Variants in KCNQ3 observed in about 807,000 individuals in gnomAD.
The protein encoded by KCNQ3 is potassium voltage-gated channel subfamily KQT member 3.
A neutral mutation model predicts 92.5 loss-of-function variants in KCNQ3; 30 were observed. That is an observed-to-expected ratio of 0.32 (90% CI 0.24 to 0.44). The LOEUF (loss-of-function observed/expected upper bound fraction) is 0.44, where lower values mean the gene tolerates loss of function less well. Ranked by LOEUF, KCNQ3 falls within the 20% of genes least tolerant of loss-of-function variation. The pLI, the probability that KCNQ3 is intolerant of heterozygous loss-of-function variation, is 1.00. For missense variants in KCNQ3, 913 were observed against 1,140.3 expected, an observed-to-expected ratio of 0.80 and a Z score of 2.87; for synonymous variants, 450 against 468.8, an observed-to-expected ratio of 0.96 and a Z score of 0.52.
intron 8 of KCNQ3, 31 bp from the exon 9 acceptor site, chr8:132,163,525 C>T: frequency 1.9e-6 from 3 of 1,588,918 alleles, no homozygotes; most frequent in Non-Finnish European, 2.6e-6. Flanking sequence ...AAAAATAAAG[C>T]ATAAATTACG....
chr8:132,162,188 C>A (rs1437471381), intron 9 of KCNQ3, among the ~76,000 whole-genome samples: 1 of 152,160 alleles, frequency 6.6e-6, no homozygotes, highest in Admixed American at 6.5e-5. Context: ...TATCTGAGCC[C>A]TAATTAAACC....
chr8:132,243,957 A>G (rs986994874), intron 1 of KCNQ3, among the ~76,000 whole-genome samples: 3 of 152,210 alleles, frequency 2.0e-5, no homozygotes, highest in African/African-American at 7.2e-5. Flanking sequence ...ATCAATGGCA[A>G]CGAGCATTCA....
At position 132,352,340 on chromosome 8, in the gene KCNQ3, G is replaced by A. The variant is rs561510443; in HGVS notation, c.386+127807C>T. Among the ~76,000 whole-genome samples, 7 of 152,242 alleles carry A rather than the reference G, an allele frequency of 4.6e-5. No individual in the cohort carries two copies. The East Asian group carries it at 9.7e-4, about 21-fold the overall frequency. Reference sequence around the variant, plus strand: ...ATGGTTTTGGTTGTCACAGGTGGGTGGGGTGCTGCGATCGTCTAGTGTGCA... The same window carrying A: ...ATGGTTTTGGTTGTCACAGGTGGGTAGGGTGCTGCGATCGTCTAGTGTGCA... On this transcript the variant is annotated intron_variant, in intron 1 of 14. Transcript: ENST00000388996.
intron 1 of KCNQ3, among the ~76,000 whole-genome samples, chr8:132,390,977 G>C (rs1185396973): frequency 6.6e-6 from 1 of 152,134 alleles, no homozygotes; most frequent in Non-Finnish European, 1.5e-5. Flanking sequence ...CCTCAGCTCT[G>C]GAAAGCCTGT....
At chr8:132,321,001 G>C (rs1375058072) in intron 1 of KCNQ3, among the ~76,000 whole-genome samples, 1 of 152,210 alleles carries the variant, frequency 6.6e-6, no homozygotes, top group Non-Finnish European at 1.5e-5. Context: ...ACTACCCATA[G>C]AGAGTTCATA....
At position 132,129,740 on chromosome 8, in the gene KCNQ3, G is replaced by A. The variant is rs1199166185; in HGVS notation, c.2141C>T (p.Ala714Val). The A allele has an allele frequency of 1.2e-6, 2 of 1,614,040 alleles. No homozygotes were observed. The highest frequency in any genetic ancestry group is 4.5e-5 in the East Asian group (2 of 44,878). ...TCGGGGCAGGTTCACAGGGTCATGT[G>A]CAAAAAACCCATAGGGGCTGACTTT... ...IDKVSPYGFF[A>V]HDPVNLPRGG... The change falls in exon 15 of 15, where the codon GCA becomes GTA. Residue 714 changes from alanine (A) to valine (V), a missense_variant. Physicochemically the swap from Ala to Val is moderately conservative, Grantham distance 64. Coordinates refer to ENST00000388996, the MANE Select transcript of KCNQ3 (RefSeq NM_004519.4). This position sits in a 1 kb window ranked among gnomAD's most constrained non-coding sequence, Gnocchi z 5.9.
intron 1 of KCNQ3, among the ~76,000 whole-genome samples, chr8:132,470,263 G>T (rs1822268310): frequency 6.6e-6 from 1 of 152,182 alleles, no homozygotes; most frequent in Non-Finnish European, 1.5e-5. Flanking sequence ...GGACTCACGT[G>T]TATGCTTTGT....
At chr8:132,293,694 G>C (rs951201890) in intron 1 of KCNQ3, among the ~76,000 whole-genome samples, 1 of 152,206 alleles carries the variant, frequency 6.6e-6, no homozygotes, top group Non-Finnish European at 1.5e-5. Context: ...CAGGGGATGA[G>C]AGGGAAGGTG....
In KCNQ3 at chr8:132,129,454, G is replaced by T. The variant is rs1824782796; in HGVS notation, c.2427C>A (p.Ile809=). The change falls in exon 15 of 15, where the codon ATC becomes ATA. Residue 809 remains isoleucine (I), a synonymous_variant. Coordinates refer to ENST00000388996, the MANE Select transcript of KCNQ3 (RefSeq NM_004519.4). This position sits in a 1 kb window ranked among gnomAD's most constrained non-coding sequence, Gnocchi z 5.9. ...ACACATAATCATCTCTGTCCTGGGA[G>T]ATGCTGAAGCCACTTGGAGACCTCT... ...ELERSPSGFS[I]SQDRDDYVFG... 1 of 1,614,098 alleles carries T rather than the reference G, an allele frequency of 6.2e-7. No homozygotes were observed.
At chr8:132,239,433 A>C (rs752913339) in intron 1 of KCNQ3, among the ~76,000 whole-genome samples, 1 of 152,226 alleles carries the variant, frequency 6.6e-6, no homozygotes, top group Non-Finnish European at 1.5e-5. Context: ...AGTGCATTTC[A>C]TGACAGCCAC....
intron 1 of KCNQ3, among the ~76,000 whole-genome samples, chr8:132,368,440 T>C (rs1479463491): frequency 6.6e-6 from 1 of 151,992 alleles, no homozygotes; most frequent in Non-Finnish European, 1.5e-5. Context: ...ATCACTTGAG[T>C]CCAGGAGTTT....
chr8:132,254,409 T>C (rs1040969176), intron 1 of KCNQ3, among the ~76,000 whole-genome samples: 1 of 152,346 alleles, frequency 6.6e-6, no homozygotes, highest in South Asian at 2.1e-4. Flanking sequence ...AACTGAAGTA[T>C]ATCAACCTGC....
At chr8:132,142,379 TC>T (rs1292140833) in intron 9 of KCNQ3, among the ~76,000 whole-genome samples, 1 of 152,164 alleles carries the variant, frequency 6.6e-6, no homozygotes, top group Non-Finnish European at 1.5e-5. Flanking sequence ...AGTTACCTTG[TC>T]TGTAAAGTAG....
At chr8:132,404,243 C>T (rs1820421057) in intron 1 of KCNQ3, among the ~76,000 whole-genome samples, 1 of 152,176 alleles carries the variant, frequency 6.6e-6, no homozygotes, top group East Asian at 1.9e-4. Flanking sequence ...GGAAGGTGGG[C>T]TTCTGTCATT....
intron 1 of KCNQ3, among the ~76,000 whole-genome samples, chr8:132,382,467 C>A (rs1171638462): frequency 6.6e-6 from 1 of 152,200 alleles, no homozygotes; most frequent in Non-Finnish European, 1.5e-5. Flanking sequence ...CGAAGCCAAG[C>A]AGATGCTGGA....
chr8:132,410,975 C>A (rs1820637547), intron 1 of KCNQ3, among the ~76,000 whole-genome samples: 1 of 152,196 alleles, frequency 6.6e-6, no homozygotes, highest in Non-Finnish European at 1.5e-5. Context: ...TATTTTCTGA[C>A]CGTTAAGTCT....
At chr8:132,325,545 T>A (rs1050046201) in intron 1 of KCNQ3, among the ~76,000 whole-genome samples, 8 of 152,180 alleles carry the variant, frequency 5.3e-5, no homozygotes, top group Non-Finnish European at 8.8e-5. Context: ...TGCTCCAATA[T>A]GACTGGTGGT....
chr8:132,173,650 C>A (rs1007046272), intron 6 of KCNQ3, among the ~76,000 whole-genome samples: 1 of 152,158 alleles, frequency 6.6e-6, no homozygotes, highest in Admixed American at 6.5e-5. Context: ...GTGGGTAAAG[C>A]ATTTGGCATG....
rs758790946 is a variant in KCNQ3 at position 132,129,809 on chromosome 8, C to T, written c.2072G>A (p.Gly691Asp). The change falls in exon 15 of 15, where the codon GGC becomes GAC. Residue 691 changes from glycine (G) to aspartate (D), a missense_variant. Transcript: ENST00000388996. This position sits in a 1 kb window ranked among gnomAD's most constrained non-coding sequence, Gnocchi z 5.9. ...KTIICNYSETGPPEPPYSFHQ... is the reference protein window; with the variant it reads ...KTIICNYSETDPPEPPYSFHQ... Reference sequence around the variant, plus strand: ...GAAGCTGTAGGGTGGTTCCGGGGGGCCTGTCTCAGAATAGTTGCAGATGAT... The same window carrying T: ...GAAGCTGTAGGGTGGTTCCGGGGGGTCTGTCTCAGAATAGTTGCAGATGAT... 3 of 1,614,136 alleles carry T rather than the reference C, an allele frequency of 1.9e-6. No homozygotes were observed. Among genetic ancestry groups the T allele is most frequent in the Admixed American group, 1.7e-5 (1 of 60,012 alleles).
Sources: gnomAD v4.1 joint callset for allele counts (sites outside exome capture counted in the v4.1 genomes callset) on GRCh38, gnomAD v4.1.1 for gene constraint, Gnocchi (gnomAD v3.1) non-coding constraint, MANE v1.5 for transcripts, NCBI Gene and HGNC (gene_info 2026-07-23, HGNC 2026-07-21) for gene names.